The following DNAJC8 variants were observed in gnomAD, a reference collection of about 807,000 sequenced individuals.
DNAJC8 encodes dnaJ homolog subfamily C member 8.
A neutral mutation model predicts 43.2 loss-of-function variants in DNAJC8; 24 were observed. The observed-to-expected ratio is 0.56, with a 90% confidence interval of 0.40 to 0.78. The LOEUF (loss-of-function observed/expected upper bound fraction) is 0.78, where lower values mean the gene tolerates loss of function less well. Among genes scored for constraint, DNAJC8 ranks in the 30% least tolerant of loss-of-function variants. DNAJC8 has a pLI of 0.00. For synonymous variants in DNAJC8, 83 were observed against 98.0 expected (o/e 0.85, Z 0.90); for missense variants, 207 against 299.4 (o/e 0.69, Z 2.28).
At chr1:28,219,206 A>T (rs1019070294) in intron 2 of DNAJC8, among the ~76,000 whole-genome samples, 2 of 145,180 alleles carry the variant, frequency 1.4e-5, no homozygotes, top group Admixed American at 6.9e-5. Flanking sequence ...TTCTTGAGTT[A>T]AAAAAAAAAA....
At position 28,200,468 on chromosome 1, in the gene DNAJC8, G is replaced by A. The variant is rs767545167; in HGVS notation, c.*780C>T. Reference sequence around the variant, plus strand: ...AGATGAAGAAACTAAGGTTCAGCCAGGTCTGTCCAACCCCAAAGCATTTTG... The same window carrying A: ...AGATGAAGAAACTAAGGTTCAGCCAAGTCTGTCCAACCCCAAAGCATTTTG... On this transcript the variant is annotated 3_prime_UTR_variant, in exon 9 of 9. Coordinates refer to ENST00000263697, the MANE Select transcript of DNAJC8 (RefSeq NM_014280.3). 1 of 456,426 alleles carries A rather than the reference G, an allele frequency of 2.2e-6. No individual in the cohort carries two copies. Among genetic ancestry groups the A allele is most frequent in the South Asian group, 1.5e-5 (1 of 64,558 alleles). 28.3% of individuals were successfully genotyped at this position (456,426 alleles called of 1,614,324 possible). A position where few individuals can be genotyped will look rare whatever the true frequency, so the allele number is the denominator to read the frequency against.
At chr1:28,205,780 C>T (rs1333173915) in intron 6 of DNAJC8, among the ~76,000 whole-genome samples, 2 of 151,992 alleles carry the variant, frequency 1.3e-5, no homozygotes, top group African/African-American at 2.4e-5. Flanking sequence ...CCCAGCTACT[C>T]GGGAGGCTGA....
chr1:28,216,700 C>T (rs776096852), intron 2 of DNAJC8, among the ~76,000 whole-genome samples: 6 of 151,594 alleles, frequency 4.0e-5, no homozygotes, highest in Non-Finnish European at 5.9e-5. Flanking sequence ...GGCCCATTTG[C>T]ATGTGGACTG....
intron 5 of DNAJC8, among the ~76,000 whole-genome samples, chr1:28,209,428 A>C (rs181172410): frequency 2.9e-4 from 44 of 152,334 alleles, no homozygotes; most frequent in African/African-American, 1.0e-3. Flanking sequence ...TTCCCACCAC[A>C]TTGGAGACTT....
intron 3 of DNAJC8, among the ~76,000 whole-genome samples, chr1:28,211,090 C>T (rs1646807458): frequency 6.6e-6 from 1 of 152,144 alleles, no homozygotes; most frequent in African/African-American, 2.4e-5. Flanking sequence ...GGGAGAATCA[C>T]TTGAGCCTGG....
chr1:28,230,981 C>T (rs1260621927), intron 1 of DNAJC8, among the ~76,000 whole-genome samples: 1 of 152,192 alleles, frequency 6.6e-6, no homozygotes, highest in Non-Finnish European at 1.5e-5. Context: ...CCATCTTCTG[C>T]CTTGTTTAAC....
At chr1:28,214,897 T>C in intron 3 of DNAJC8, 43 bp downstream of exon 3, 2 of 1,528,424 alleles carry the variant, frequency 1.3e-6, no homozygotes, top group East Asian at 2.3e-5. Context: ...ATCATGTGCT[T>C]CATACATTTT....
intron 2 of DNAJC8, among the ~76,000 whole-genome samples, chr1:28,217,679 A>C (rs921910075): frequency 5.3e-5 from 8 of 152,166 alleles, no homozygotes; most frequent in African/African-American, 1.9e-4. Flanking sequence ...TCTAGGGGTA[A>C]ACCAAAGTCC....
intron 2 of DNAJC8, among the ~76,000 whole-genome samples, chr1:28,224,531 G>A (rs549675761): frequency 2.6e-5 from 4 of 152,086 alleles, no homozygotes; most frequent in South Asian, 4.2e-4. Flanking sequence ...GCCTCCCAAA[G>A]TGTTGGAATT....
intron 2 of DNAJC8, among the ~76,000 whole-genome samples, chr1:28,219,049 T>C (rs1646881049): frequency 6.6e-6 from 1 of 152,202 alleles, no homozygotes; most frequent in South Asian, 2.1e-4. Context: ...AAGCCTCTGA[T>C]AAGATTATAG....
chr1:28,218,018 G>C lies in DNAJC8; in HGVS notation c.181-3022C>G, dbSNP rs1646871496. On this transcript the variant is annotated intron_variant, in intron 2 of 8. Coordinates refer to ENST00000263697, the MANE Select transcript of DNAJC8 (RefSeq NM_014280.3). ...ATGCTGGATGAAGTTACTTGACGTT[G>C]TTTTCCTATGGCTAAAGTTTCCTAA... 1.3e-5 allele frequency among the ~76,000 whole-genome samples: 2 copies of C among 150,474 alleles called. 1 individual carries two copies. The highest frequency in any genetic ancestry group is 4.9e-5 in the African/African-American group (2 of 40,690).
chr1:28,211,363 T>C (rs1185880744), intron 3 of DNAJC8, among the ~76,000 whole-genome samples: 2 of 152,344 alleles, frequency 1.3e-5, no homozygotes, highest in East Asian at 3.9e-4. Context: ...GAAACGCTCA[T>C]TGGAACATTT....
intron 2 of DNAJC8, among the ~76,000 whole-genome samples, chr1:28,217,311 T>A (rs191621304): frequency 0.025 from 3,765 of 151,876 alleles, 144 homozygotes; most frequent in African/African-American, 0.077. Context: ...GTGACTTTTT[T>A]AAATGTTTTT....
At chr1:28,212,631 G>C in intron 3 of DNAJC8, among the ~76,000 whole-genome samples, 1 of 151,294 alleles carries the variant, frequency 6.6e-6, no homozygotes, top group Middle Eastern at 3.4e-3. Flanking sequence ...AAAAAAAAAA[G>C]AACTTTCATA....
chr1:28,228,834 A>C, intron 2 of DNAJC8, 88 bp downstream of exon 2: 1 of 1,044,226 alleles, frequency 9.6e-7, no homozygotes, highest in Non-Finnish European at 1.4e-6. Flanking sequence ...ACTATGATAT[A>C]AATTAGGTAT....
chr1:28,227,736 C>T lies in DNAJC8; in HGVS notation c.180+1186G>A, dbSNP rs182481748. ...AGCCAGCCTGGGCAACATAATGAGG[C>T]CCCATCTCTTTAAAAAAGAAAAAGA... On this transcript the variant is annotated intron_variant, in intron 2 of 8. Coordinates refer to ENST00000263697, the MANE Select transcript of DNAJC8 (RefSeq NM_014280.3). Among the ~76,000 whole-genome samples the T allele has an allele frequency of 1.8e-4, 27 of 152,012 alleles. No homozygotes were observed. In the East Asian group the frequency reaches 4.6e-3, roughly 26 times the overall value.
intron 2 of DNAJC8, among the ~76,000 whole-genome samples, chr1:28,226,385 C>A (rs894819383): frequency 1.3e-5 from 2 of 151,164 alleles, no homozygotes; most frequent in African/African-American, 4.9e-5. Context: ...TGCCTGTAGT[C>A]CCAGCTACTC....
chr1:28,216,811 T>TC (rs1465820747), intron 2 of DNAJC8, among the ~76,000 whole-genome samples: 6 of 149,570 alleles, frequency 4.0e-5, no homozygotes, highest in Admixed American at 6.7e-5. Context: ...GCGATTTCTT[T>TC]TTTTTTTTTT....
At chr1:28,218,992 G>A (rs573287303) in intron 2 of DNAJC8, among the ~76,000 whole-genome samples, 42 of 152,114 alleles carry the variant, frequency 2.8e-4, no homozygotes, top group African/African-American at 8.9e-4. Context: ...CCCAGAAGGC[G>A]CCCAAATAAA....
Sources: gnomAD v4.1 joint callset for allele counts (sites outside exome capture counted in the v4.1 genomes callset) on GRCh38, gnomAD v4.1.1 for gene constraint, MANE v1.5 for transcripts, NCBI Gene and HGNC (gene_info 2026-07-23, HGNC 2026-07-21) for gene names.